Variants in SUGCT observed in about 807,000 individuals in gnomAD.
SUGCT encodes the protein succinyl-CoA:glutarate CoA-transferase.
SUGCT carries 41 observed loss-of-function variants against 55.0 expected under a neutral mutation model. The ratio of observed to expected loss-of-function variants is 0.74; its 90% confidence interval spans 0.58 to 0.97. The LOEUF is 0.97. SUGCT is among the 50% of genes least tolerant of loss of function. SUGCT has a pLI of 0.00. For missense variants in SUGCT, 568 were observed against 547.8 expected (o/e 1.04, Z -0.37); for synonymous variants, 187 against 200.4 (o/e 0.93, Z 0.56).
At chr7:40,756,787 T>C (rs1788273295) in intron 13 of SUGCT, among the ~76,000 whole-genome samples, 1 of 152,172 alleles carries the variant, frequency 6.6e-6, no homozygotes, top group Non-Finnish European at 1.5e-5. Context: ...TAGAAAGGCC[T>C]TTCAGATGAC....
intron 9 of SUGCT, among the ~76,000 whole-genome samples, chr7:40,422,182 G>A (rs1787345681): frequency 6.7e-6 from 1 of 150,152 alleles, no homozygotes; most frequent in Admixed American, 6.6e-5. Flanking sequence ...TAACTGCAAT[G>A]TGGTGGGGGT....
At chr7:40,309,444 A>G (rs1296798576) in intron 8 of SUGCT, among the ~76,000 whole-genome samples, 2 of 152,004 alleles carry the variant, frequency 1.3e-5, no homozygotes, top group African/African-American at 4.8e-5. Flanking sequence ...ATAGGCACTC[A>G]CCACCATGCC....
the SUGCT span, among the ~76,000 whole-genome samples, chr7:40,932,521 G>A: frequency 6.6e-6 from 1 of 152,202 alleles, no homozygotes; most frequent in Admixed American, 6.5e-5. Flanking sequence ...ACTGACAGTG[G>A]AGTGTTAAAG....
At chr7:40,758,773 C>T (rs1406577633) in intron 13 of SUGCT, among the ~76,000 whole-genome samples, 2 of 151,976 alleles carry the variant, frequency 1.3e-5, no homozygotes, top group African/African-American at 2.4e-5. Context: ...GGAAGGGGGG[C>T]CCGAGGGACC....
intron 8 of SUGCT, among the ~76,000 whole-genome samples, chr7:40,314,279 T>C (rs1310147110): frequency 1.3e-5 from 2 of 152,198 alleles, no homozygotes; most frequent in African/African-American, 4.8e-5. Context: ...TAGCCCTTGA[T>C]GATGTTGGTC....
intron 12 of SUGCT, among the ~76,000 whole-genome samples, chr7:40,655,965 A>G (rs1472874468): frequency 6.6e-6 from 1 of 152,176 alleles, no homozygotes; most frequent in Non-Finnish European, 1.5e-5. Context: ...AAGTTGTTAA[A>G]TAATAGAAGG....
intron 9 of SUGCT, among the ~76,000 whole-genome samples, chr7:40,427,939 A>G (rs180919563): frequency 1.3e-5 from 2 of 152,202 alleles, no homozygotes; most frequent in African/African-American, 4.8e-5. Flanking sequence ...TTTATTCCAT[A>G]GTGTTCTTCA....
intron 11 of SUGCT, among the ~76,000 whole-genome samples, chr7:40,475,804 G>T (rs1790633559): frequency 6.6e-6 from 1 of 152,172 alleles, no homozygotes; most frequent in Admixed American, 6.6e-5. Flanking sequence ...GAGCAGAGAG[G>T]TGCTCACTAC....
chr7:40,406,896 G>A (rs527501098), intron 9 of SUGCT, among the ~76,000 whole-genome samples: 11 of 152,188 alleles, frequency 7.2e-5, no homozygotes, highest in African/African-American at 2.6e-4. Flanking sequence ...CATGGGACTA[G>A]AAACAAAGGA....
At chr7:40,455,543 G>A (rs192903762) in intron 10 of SUGCT, among the ~76,000 whole-genome samples, 170 of 152,294 alleles carry the variant, frequency 1.1e-3, no homozygotes, top group Non-Finnish European at 1.7e-3. Flanking sequence ...AAAGAAAACT[G>A]GAGTGGGGCT....
At chr7:40,702,467 G>A (rs532740139) in intron 12 of SUGCT, among the ~76,000 whole-genome samples, 34 of 152,286 alleles carry the variant, frequency 2.2e-4, no homozygotes, top group Non-Finnish European at 4.4e-4. Context: ...ACCTCTAACA[G>A]CCACAAATTA....
chr7:40,942,602 A>G, the SUGCT span, among the ~76,000 whole-genome samples: 2 of 152,144 alleles, frequency 1.3e-5, no homozygotes, highest in African/African-American at 4.8e-5. Flanking sequence ...TTTGATGTCT[A>G]AATCTCCAGC....
intron 12 of SUGCT, among the ~76,000 whole-genome samples, chr7:40,560,470 A>C (rs7801001): frequency 0.042 from 6,403 of 152,256 alleles, 444 homozygotes; most frequent in African/African-American, 0.15. Context: ...ACAAGACAGA[A>C]TCATTCTTGC....
At chr7:40,879,977 G>C in the SUGCT span, among the ~76,000 whole-genome samples, 3 of 152,184 alleles carry the variant, frequency 2.0e-5, no homozygotes, top group African/African-American at 4.8e-5. Flanking sequence ...AACACCAATG[G>C]GACAGGAACA....
At chr7:40,998,436 G>A in the SUGCT span, among the ~76,000 whole-genome samples, 1 of 152,062 alleles carries the variant, frequency 6.6e-6, no homozygotes, top group Non-Finnish European at 1.5e-5. Context: ...AACTGCTCCA[G>A]AATAAAGCCA....
intron 12 of SUGCT, among the ~76,000 whole-genome samples, chr7:40,728,171 A>G (rs1786705432): frequency 6.6e-6 from 1 of 152,158 alleles, no homozygotes; most frequent in Non-Finnish European, 1.5e-5. Flanking sequence ...TTTACCTTCA[A>G]GGTAAAAATT....
intron 1 of SUGCT, among the ~76,000 whole-genome samples, chr7:40,168,398 C>T (rs1237436854): frequency 3.3e-5 from 5 of 152,216 alleles, no homozygotes; most frequent in Admixed American, 2.6e-4. Flanking sequence ...TCCAGGGGTC[C>T]GTGGTAGATC....
intron 9 of SUGCT, among the ~76,000 whole-genome samples, chr7:40,370,707 A>G (rs1428713409): frequency 6.6e-6 from 1 of 151,592 alleles, no homozygotes; most frequent in Non-Finnish European, 1.5e-5. Flanking sequence ...TGGTTTTAAG[A>G]TTTGGGAGGA....
intron 13 of SUGCT, among the ~76,000 whole-genome samples, chr7:40,841,088 T>A (rs1334803660): frequency 6.6e-6 from 1 of 152,076 alleles, no homozygotes; most frequent in African/African-American, 2.4e-5. Context: ...ACTTAGACTT[T>A]TTTTTTTCTT....
Sources: allele counts gnomAD v4.1 joint callset (sites outside exome capture counted in the v4.1 genomes callset), GRCh38; gene constraint gnomAD v4.1.1; transcripts MANE v1.5; gene names NCBI Gene and HGNC (gene_info 2026-07-23, HGNC 2026-07-21).